THSD4: variants seen among roughly 807,000 people sequenced by gnomAD.
THSD4 encodes thrombospondin type 1 domain containing 4, also known as thrombospondin type-1 domain-containing protein 4.
In THSD4, 69 loss-of-function variants were observed where a neutral mutation model predicts 119.0. That is an observed-to-expected ratio of 0.58 (90% CI 0.48 to 0.71). The LOEUF (loss-of-function observed/expected upper bound fraction) is 0.71. Among genes scored for constraint, THSD4 ranks in the 30% least tolerant of loss-of-function variants. The pLI is 0.00. For synonymous variants in THSD4, 524 were observed against 540.4 expected, an observed-to-expected ratio of 0.97 and a Z score of 0.42; for missense variants, 1,393 against 1,391.1, an observed-to-expected ratio of 1.00 and a Z score of -0.02.
In THSD4 at chr15:71,782,729, A is replaced by G. The variant is rs2054017122; in HGVS notation, c.*5355A>G. On this transcript the variant is annotated 3_prime_UTR_variant, in exon 18 of 18. Transcript: ENST00000261862. ...TGAGGTTTAAGATCAAATATAAATTACTCTGCTTTTCGACTCATTCAGGTA... is the reference window on the plus strand; with the variant it reads ...TGAGGTTTAAGATCAAATATAAATTGCTCTGCTTTTCGACTCATTCAGGTA... 6.6e-6 allele frequency: 1 copy of G among 152,108 alleles called. No homozygotes were observed. The highest frequency in any genetic ancestry group is 1.5e-5 in the Non-Finnish European group (1 of 68,024). 9.4% of individuals were successfully genotyped at this position (152,108 alleles called of 1,614,324 possible).
intron 1 of THSD4, among the ~76,000 whole-genome samples, chr15:71,140,758 T>C (rs1390279003): frequency 2.6e-5 from 4 of 152,186 alleles, no homozygotes; most frequent in Admixed American, 2.6e-4. Context: ...AATTCAGTAG[T>C]TTTTGGTATA....
At chr15:71,269,709 T>A (rs1208249822) in intron 6 of THSD4, among the ~76,000 whole-genome samples, 1 of 152,180 alleles carries the variant, frequency 6.6e-6, no homozygotes, top group Non-Finnish European at 1.5e-5. Flanking sequence ...CCCCATCGTC[T>A]TAACCCCAAA....
intron 7 of THSD4, among the ~76,000 whole-genome samples, chr15:71,548,727 T>C (rs536914635): frequency 6.6e-6 from 1 of 152,336 alleles, no homozygotes; most frequent in South Asian, 2.1e-4. Context: ...CCTCTAGTTG[T>C]AGTTGAAGTT....
At chr15:71,729,596 A>G (rs1389176731) in intron 9 of THSD4, 1 of 152,012 alleles carries the variant, frequency 6.6e-6, no homozygotes, top group Non-Finnish European at 1.5e-5. Context: ...ATTACAAAGG[A>G]AGCCTTGTTG....
At chr15:71,587,800 G>GAAAAAAAAAAAAAA (rs1555429620) in intron 7 of THSD4, among the ~76,000 whole-genome samples, 1 of 39,142 alleles carries the variant, frequency 2.6e-5, no homozygotes, top group African/African-American at 6.6e-5. Flanking sequence ...AAAAAAAAAA[G>GAAAAAAAAAAAAAA]AAAAAAAAAA....
intron 7 of THSD4, among the ~76,000 whole-genome samples, chr15:71,531,546 T>A (rs934032938): frequency 5.3e-5 from 8 of 152,164 alleles, no homozygotes; most frequent in African/African-American, 1.7e-4. Context: ...ACAGACGCCC[T>A]GGGTTTGAAT....
chr15:71,672,779 A>G (rs1246761229), intron 8 of THSD4, among the ~76,000 whole-genome samples: 1 of 152,074 alleles, frequency 6.6e-6, no homozygotes, highest in African/African-American at 2.4e-5. Flanking sequence ...TGTTTATGTG[A>G]CGGATTATGT....
chr15:71,456,866 G>C (rs1307975704), intron 7 of THSD4, among the ~76,000 whole-genome samples: 1 of 152,132 alleles, frequency 6.6e-6, no homozygotes, highest in Admixed American at 6.5e-5. Flanking sequence ...AGCTCAAGAT[G>C]ATTAAATGAG....
At chr15:71,677,822 C>A (rs188282394) in intron 8 of THSD4, among the ~76,000 whole-genome samples, 2 of 152,134 alleles carry the variant, frequency 1.3e-5, no homozygotes, top group Non-Finnish European at 2.9e-5. Flanking sequence ...TTAATTGTAT[C>A]GTCTGTCTCA....
intron 7 of THSD4, among the ~76,000 whole-genome samples, chr15:71,437,189 C>G (rs1279726977): frequency 6.6e-6 from 1 of 152,126 alleles, no homozygotes; most frequent in Non-Finnish European, 1.5e-5. Flanking sequence ...CTCTTTTAAG[C>G]AATCAGATCT....
Position 71,282,784 on chromosome 15 carries a change from T to G in THSD4, c.1015+26069T>G, listed in dbSNP as rs116227287. On this transcript the variant is annotated intron_variant, in intron 6 of 17. Coordinates refer to ENST00000261862, the MANE Select transcript of THSD4 (RefSeq NM_024817.3). ...ATGAAGGCATCCCCAACTACCTGAC[T>G]CCTCACTGATTTCTTCCTTATTCAA... is the stretch of plus-strand genomic sequence containing the variant. 3.8e-3 allele frequency among the ~76,000 whole-genome samples: 583 copies of G among 152,224 alleles called. 2 individuals carry two copies. The highest frequency in any genetic ancestry group is 0.014 in the African/African-American group (561 of 41,524).
At position 71,782,220 on chromosome 15, in the gene THSD4, C is replaced by G. The variant is rs544399398; in HGVS notation, c.*4846C>G. ...ACTCCCTGCACCCTGAACCACCCCCCATTCCTGTTCATTTCAGCAGATAAT... is the reference window on the plus strand; with the variant it reads ...ACTCCCTGCACCCTGAACCACCCCCGATTCCTGTTCATTTCAGCAGATAAT... On this transcript the variant is annotated 3_prime_UTR_variant, in exon 18 of 18. Coordinates refer to ENST00000261862, the MANE Select transcript of THSD4 (RefSeq NM_024817.3). 6.6e-6 allele frequency: 1 copy of G among 151,152 alleles called. No individual in the cohort carries two copies. Among genetic ancestry groups the G allele is most frequent in the Admixed American group, 6.7e-5 (1 of 14,976 alleles). The allele number at this position is 151,152 out of a possible 1,614,324, so 9.4% of individuals were successfully genotyped here.
chr15:71,120,867 A>G (rs2040403340), intron 1 of THSD4, among the ~76,000 whole-genome samples: 1 of 152,218 alleles, frequency 6.6e-6, no homozygotes. Context: ...ATCTGATGAA[A>G]GGGGGCATCA....
intron 4 of THSD4, 115 bp from the exon 5 acceptor site, chr15:71,242,534 C>T: frequency 8.9e-7 from 1 of 1,129,080 alleles, no homozygotes; most frequent in Non-Finnish European, 1.3e-6. Context: ...CTACCATAGA[C>T]CCTTTCCCAA....
chr15:71,665,535 C>G (rs1254179777), intron 8 of THSD4, among the ~76,000 whole-genome samples: 1 of 152,152 alleles, frequency 6.6e-6, no homozygotes, highest in Non-Finnish European at 1.5e-5. Flanking sequence ...GCTTTTGTTT[C>G]AATTGCTTTT....
intron 7 of THSD4, among the ~76,000 whole-genome samples, chr15:71,616,662 A>C (rs1476213802): frequency 6.6e-6 from 1 of 152,224 alleles, no homozygotes; most frequent in Non-Finnish European, 1.5e-5. Context: ...ACTGTGAGGA[A>C]GCATTTCCTA....
At chr15:71,599,599 C>A (rs551549427) in intron 7 of THSD4, among the ~76,000 whole-genome samples, 1 of 152,190 alleles carries the variant, frequency 6.6e-6, no homozygotes, top group African/African-American at 2.4e-5. Context: ...CAAATACTAA[C>A]GCAGGCTAAT....
Position 71,779,553 on chromosome 15 carries a change from A to G in THSD4, c.*2179A>G, listed in dbSNP as rs2053966538. On this transcript the variant is annotated 3_prime_UTR_variant, in exon 18 of 18. Coordinates refer to ENST00000261862, the MANE Select transcript of THSD4 (RefSeq NM_024817.3). The stretch of plus-strand genomic sequence containing the variant: ...CCATCAAAGCCGCCCAACAGAGGCA[A>G]GGGCCACCACACATGAGAGAGCGCT... The G allele has an allele frequency of 6.6e-6, 1 of 152,302 alleles. No individual in the cohort carries two copies. The highest frequency in any genetic ancestry group is 1.9e-4 in the East Asian group (1 of 5,188). 9.4% of individuals were successfully genotyped at this position (152,302 alleles called of 1,614,324 possible).
At chr15:71,552,974 T>C (rs2048955600) in intron 7 of THSD4, among the ~76,000 whole-genome samples, 1 of 152,170 alleles carries the variant, frequency 6.6e-6, no homozygotes, top group African/African-American at 2.4e-5. Flanking sequence ...TAAAAACAAA[T>C]TCAAGCAAAC....
Sources: gnomAD v4.1 joint callset for allele counts (sites outside exome capture counted in the v4.1 genomes callset) on GRCh38, gnomAD v4.1.1 for gene constraint, MANE v1.5 for transcripts, NCBI Gene and HGNC (gene_info 2026-07-23, HGNC 2026-07-21) for gene names.